The following PALLD variants were observed in gnomAD, a reference collection of about 807,000 sequenced individuals.
PALLD encodes the protein palladin, cytoskeletal associated protein.
A neutral mutation model predicts 123.5 loss-of-function variants in PALLD; 61 were observed. The observed-to-expected ratio is 0.49, with a 90% CI of 0.40 to 0.61. The LOEUF (loss-of-function observed/expected upper bound fraction) is 0.61. PALLD is among the 20% of genes least tolerant of loss of function. The pLI is 0.00. For missense variants in PALLD, 1,273 were observed against 1,377.0 expected, an observed-to-expected ratio of 0.92 and a Z score of 1.20; for synonymous variants, 465 against 496.4, an observed-to-expected ratio of 0.94 and a Z score of 0.84.
chr4:168,696,567 G>A (rs1246481206), intron 8 of PALLD, among the ~76,000 whole-genome samples: 1 of 151,676 alleles, frequency 6.6e-6, no homozygotes, highest in African/African-American at 2.4e-5. Flanking sequence ...TTCCTAAAAG[G>A]GAACTTTGAG....
intron 10 of PALLD, among the ~76,000 whole-genome samples, chr4:168,890,406 C>T (rs2151190699): frequency 6.6e-6 from 1 of 152,296 alleles, no homozygotes. Context: ...AGGTAACAAA[C>T]TTAATATTGA....
chr4:168,750,057 C>T (rs1034521547), intron 10 of PALLD, among the ~76,000 whole-genome samples: 1 of 151,998 alleles, frequency 6.6e-6, no homozygotes, highest in Admixed American at 6.6e-5. Flanking sequence ...AGCAATTCTC[C>T]CTGCCTCAAC....
chr4:168,532,825 G>A (rs908467925), intron 2 of PALLD, among the ~76,000 whole-genome samples: 10 of 152,136 alleles, frequency 6.6e-5, no homozygotes, highest in African/African-American at 2.2e-4. Context: ...GGAAACCATT[G>A]AAAGAAACAT....
rs2151423801 is a variant in PALLD at position 168,915,874 on chromosome 4, T to C, written c.2718-21T>C. ...ACTACTATCTATATTTCTATCTATC[T>C]GTCATCTTTCTTGTTTCAAGGCCTC... On this transcript the variant is annotated intron_variant, in intron 16 of 21. Transcript: ENST00000505667. 1.9e-6 allele frequency: 3 copies of C among 1,601,518 alleles called. No homozygotes were observed. The South Asian group carries it at 3.3e-5, about 18-fold the overall frequency.
At chr4:168,906,630 G>A (rs6819437) in intron 15 of PALLD, among the ~76,000 whole-genome samples, 22,614 of 152,022 alleles carry the variant, frequency 0.15, 2,046 homozygotes, top group African/African-American at 0.25. Flanking sequence ...AGAAATTTTT[G>A]TTTATTCATT....
At chr4:168,816,820 G>C (rs1357427709) in intron 10 of PALLD, among the ~76,000 whole-genome samples, 16 of 292 alleles carry the variant, frequency 0.055, no homozygotes, top group African/African-American at 0.17. Flanking sequence ...CTAGCCCCGT[G>C]TGTGTGTGTG....
intron 2 of PALLD, among the ~76,000 whole-genome samples, chr4:168,522,804 C>A (rs1359573475): frequency 6.6e-6 from 1 of 152,056 alleles, no homozygotes; most frequent in Non-Finnish European, 1.5e-5. Context: ...TGATTTGAGC[C>A]AAGAAATAGC....
chr4:168,755,399 G>C (rs1731699266), intron 10 of PALLD, among the ~76,000 whole-genome samples: 1 of 151,356 alleles, frequency 6.6e-6, no homozygotes, highest in South Asian at 2.1e-4. Context: ...TTCTAACGGG[G>C]AAAGATCACG....
At chr4:168,837,107 A>G (rs1745311373) in intron 10 of PALLD, among the ~76,000 whole-genome samples, 1 of 152,052 alleles carries the variant, frequency 6.6e-6, no homozygotes, top group Non-Finnish European at 1.5e-5. Flanking sequence ...CAGAGACCCC[A>G]CCCTGGACTG....
In PALLD at chr4:168,720,257, A is replaced by G. The variant is rs554318142; in HGVS notation, c.1964+8334A>G. Among the ~76,000 whole-genome samples, 7 of 152,300 alleles carry G rather than the reference A, an allele frequency of 4.6e-5. No homozygotes were observed. In the South Asian group the frequency reaches 1.0e-3, roughly 23 times the overall value. The stretch of plus-strand genomic sequence containing the variant: ...TTTGTAGAAGAATGGCCAATCCCTA[A>G]ATTAGATTCAGTGCAACCCAAATGC... On this transcript the variant is annotated intron_variant, in intron 10 of 21. Transcript: ENST00000505667.
At chr4:168,771,073 A>C (rs148595096) in intron 10 of PALLD, among the ~76,000 whole-genome samples, 1 of 38,318 alleles carries the variant, frequency 2.6e-5, no homozygotes, top group Non-Finnish European at 6.3e-5. Context: ...AAAAAAAAAA[A>C]AACAAAAAAA....
chr4:168,656,694 C>G (rs1487313933), intron 2 of PALLD, among the ~76,000 whole-genome samples: 2 of 152,150 alleles, frequency 1.3e-5, no homozygotes, highest in African/African-American at 4.8e-5. Flanking sequence ...TATGTTTACC[C>G]TGCATATCCA....
intron 2 of PALLD, among the ~76,000 whole-genome samples, chr4:168,549,096 A>G (rs182907719): frequency 1.8e-4 from 27 of 152,324 alleles, no homozygotes; most frequent in African/African-American, 6.3e-4. Flanking sequence ...ATTATCTCAG[A>G]AAAACACCAT....
At chr4:168,633,387 G>T (rs1452908298) in intron 2 of PALLD, among the ~76,000 whole-genome samples, 1 of 152,040 alleles carries the variant, frequency 6.6e-6, no homozygotes, top group Non-Finnish European at 1.5e-5. Context: ...GTTATCCTTG[G>T]GTGTCTGATG....
At chr4:168,905,084 A>G (rs544514542) in intron 15 of PALLD, among the ~76,000 whole-genome samples, 2 of 147,378 alleles carry the variant, frequency 1.4e-5, no homozygotes, top group Non-Finnish European at 3.0e-5. Context: ...CCAAGACTGC[A>G]CCACTGCACT....
chr4:168,843,133 G>A (rs1240185910), intron 10 of PALLD, among the ~76,000 whole-genome samples: 1 of 152,192 alleles, frequency 6.6e-6, no homozygotes, highest in African/African-American at 2.4e-5. Flanking sequence ...TTTGCCATTA[G>A]TGGGCCACAG....
intron 10 of PALLD, chr4:168,864,366 T>C (rs963959144): frequency 6.6e-6 from 1 of 152,242 alleles, no homozygotes; most frequent in African/African-American, 2.4e-5. Context: ...TGAAAGAAGT[T>C]CTCACCTTGG....
At chr4:168,858,333 T>C in intron 10 of PALLD, among the ~76,000 whole-genome samples, 1 of 152,246 alleles carries the variant, frequency 6.6e-6, no homozygotes, top group Non-Finnish European at 1.5e-5. Flanking sequence ...CTTGTTTTTA[T>C]AAAGTTTGAT....
chr4:168,915,925 C>A lies in PALLD; in HGVS notation c.2748C>A (p.Asp916Glu). 6.2e-7 allele frequency: 1 copy of A among 1,612,972 alleles called. No homozygotes were observed. The highest frequency in any genetic ancestry group is 8.5e-7 in the Non-Finnish European group (1 of 1,179,000). ...GTTCTAGATCAAGGGACAGTGGAGA[C>A]GAAAATGAACCAATTCAGGAGCGAT... ...RPRSRSRDSG[D>E]ENEPIQERFF... is the part of the protein sequence containing the mutation. Residue 916 changes from aspartate to glutamate, a missense_variant, in exon 17 of 22, where the codon GAC (aspartate) becomes GAA (glutamate). Coordinates refer to ENST00000505667, the MANE Select transcript of PALLD (RefSeq NM_001166108.2).
Sources: gnomAD v4.1 joint callset for allele counts (sites outside exome capture counted in the v4.1 genomes callset) on GRCh38, gnomAD v4.1.1 for gene constraint, MANE v1.5 for transcripts, NCBI Gene and HGNC (gene_info 2026-07-23, HGNC 2026-07-21) for gene names.